Variants in KIAA0513 observed in about 807,000 individuals in gnomAD.
The protein encoded by KIAA0513 is KIAA0513.
In KIAA0513, 39 loss-of-function variants were observed where a neutral mutation model predicts 56.5. The ratio of observed to expected loss-of-function variants is 0.69; its 90% CI spans 0.53 to 0.90. KIAA0513 has a LOEUF of 0.90. Among genes scored for constraint, KIAA0513 ranks in the 40% least tolerant of loss-of-function variants. KIAA0513 has a pLI of 0.00. For synonymous variants in KIAA0513, 268 were observed against 215.6 expected (o/e 1.24, Z -2.13); for missense variants, 591 against 535.2 (o/e 1.10, Z -1.03).
intron 1 of KIAA0513, among the ~76,000 whole-genome samples, chr16:85,060,073 G>A (rs2073382258): frequency 6.6e-6 from 1 of 152,186 alleles, no homozygotes; most frequent in South Asian, 2.1e-4. Context: ...CGATCCTCAT[G>A]CCTCAGACTC....
intron 1 of KIAA0513, among the ~76,000 whole-genome samples, chr16:85,047,650 G>A (rs1014643679): frequency 3.3e-5 from 5 of 152,264 alleles, no homozygotes; most frequent in African/African-American, 1.2e-4. Flanking sequence ...AATTTCCTGG[G>A]GACCAGGGCA....
At chr16:85,073,793 G>C (rs981447761) in intron 4 of KIAA0513, among the ~76,000 whole-genome samples, 3 of 152,170 alleles carry the variant, frequency 2.0e-5, no homozygotes, top group Non-Finnish European at 4.4e-5. Context: ...CCTCCAAGCA[G>C]TCCCTGCTTT....
At chr16:85,069,045 T>C (rs1338653440) in intron 2 of KIAA0513, among the ~76,000 whole-genome samples, 3 of 152,138 alleles carry the variant, frequency 2.0e-5, no homozygotes, top group East Asian at 3.9e-4. Context: ...GATTCTTTTT[T>C]AGAGAGACAG....
chr16:85,069,985 T>C (rs2073547782), intron 2 of KIAA0513, among the ~76,000 whole-genome samples: 1 of 147,474 alleles, frequency 6.8e-6, no homozygotes, highest in Non-Finnish European at 1.5e-5. Context: ...GGAAACATAG[T>C]GAAACCCCCT....
intron 10 of KIAA0513, among the ~76,000 whole-genome samples, chr16:85,086,418 T>G (rs1157400161): frequency 1.3e-5 from 2 of 152,254 alleles, no homozygotes; most frequent in Non-Finnish European, 2.9e-5. Flanking sequence ...TCTCTTTATC[T>G]TATGAAGAGT....
intron 9 of KIAA0513, among the ~76,000 whole-genome samples, chr16:85,082,343 C>G (rs2073755588): frequency 6.6e-6 from 1 of 152,112 alleles, no homozygotes; most frequent in Non-Finnish European, 1.5e-5. Flanking sequence ...GCCAGGAGAC[C>G]AGAACAGGGA....
At chr16:85,040,808 T>C (rs6564098) in intron 1 of KIAA0513, among the ~76,000 whole-genome samples, 70,630 of 152,064 alleles carry the variant, frequency 0.46, 17,831 homozygotes, top group African/African-American at 0.67. Context: ...GAGAATTTTG[T>C]AGAGAAGCCA....
chr16:85,086,420 A>C (rs1597650895), intron 10 of KIAA0513, among the ~76,000 whole-genome samples: 1 of 152,198 alleles, frequency 6.6e-6, no homozygotes, highest in African/African-American at 2.4e-5. Context: ...TCTTTATCTT[A>C]TGAAGAGTGA....
intron 1 of KIAA0513, among the ~76,000 whole-genome samples, chr16:85,050,442 C>A (rs902808919): frequency 1.3e-5 from 2 of 151,862 alleles, no homozygotes; most frequent in Non-Finnish European, 2.9e-5. Context: ...CTCCACCTCC[C>A]GGGTTCAAGC....
At chr16:85,047,314 G>A (rs143324420) in intron 1 of KIAA0513, among the ~76,000 whole-genome samples, 2 of 152,312 alleles carry the variant, frequency 1.3e-5, no homozygotes, top group Admixed American at 1.3e-4. Context: ...CCAGGAGCTC[G>A]TAACAACTTG....
In KIAA0513 at chr16:85,079,011, C is replaced by G. The variant is rs567937219; in HGVS notation, c.902+8C>G. 1.9e-6 allele frequency: 3 copies of G among 1,613,994 alleles called. No individual in the cohort carries two copies. Among genetic ancestry groups the G allele is most frequent in the African/African-American group, 2.7e-5 (2 of 74,896 alleles). ...GAAGCAACAGCCCATCTGGTAAGGC[C>G]GAGCCCGCGGCTTCCCGTCACCCTC... is the stretch of plus-strand genomic sequence containing the variant. On this transcript the variant is annotated splice_region_variant and intron_variant, in intron 8 of 12. Coordinates refer to ENST00000683363, the MANE Select transcript of KIAA0513 (RefSeq NM_001388359.1).
At chr16:85,056,254 C>T (rs1166017852) in intron 1 of KIAA0513, among the ~76,000 whole-genome samples, 1 of 152,240 alleles carries the variant, frequency 6.6e-6, no homozygotes, top group Non-Finnish European at 1.5e-5. Flanking sequence ...CTAAGCCTCC[C>T]ACCCTTTGCT....
intron 1 of KIAA0513, among the ~76,000 whole-genome samples, chr16:85,030,385 C>G (rs945763868): frequency 1.3e-5 from 2 of 152,162 alleles, no homozygotes; most frequent in Non-Finnish European, 2.9e-5. Flanking sequence ...GACCCAGTAA[C>G]TTTGTTTATT....
chr16:85,058,700 A>G (rs2143964531), intron 1 of KIAA0513, among the ~76,000 whole-genome samples: 1 of 152,176 alleles, frequency 6.6e-6, no homozygotes. Flanking sequence ...AACAACAAAA[A>G]AAGAAAGAAA....
chr16:85,068,129 G>A (rs931173315), intron 2 of KIAA0513, among the ~76,000 whole-genome samples: 1 of 150,534 alleles, frequency 6.6e-6, no homozygotes, highest in African/African-American at 2.4e-5. Flanking sequence ...TTATTTTCCA[G>A]TGCATGTTGT....
chr16:85,084,093 G>C, intron 10 of KIAA0513, among the ~76,000 whole-genome samples: 1 of 127,458 alleles, frequency 7.8e-6, no homozygotes, highest in Non-Finnish European at 1.6e-5. Flanking sequence ...ATGGAGTCTC[G>C]CTCTGTTGCC....
Position 85,032,452 on chromosome 16 carries a change from C to G in KIAA0513, c.-173+4594C>G, listed in dbSNP as rs531482175. Reference sequence around the variant, plus strand: ...AGTTAAAGCCATTCTTCTGCCTCAGCCTCCCATGTAGCTGGGATTACAGGT... The same window carrying G: ...AGTTAAAGCCATTCTTCTGCCTCAGGCTCCCATGTAGCTGGGATTACAGGT... On this transcript the variant is annotated intron_variant, in intron 1 of 12. Transcript: ENST00000683363. Among the ~76,000 whole-genome samples the G allele has an allele frequency of 2.2e-4, 34 of 152,326 alleles. No individual in the cohort carries two copies. The South Asian group carries it at 6.8e-3, about 31-fold the overall frequency.
chr16:85,051,603 G>T (rs375270967), intron 1 of KIAA0513, among the ~76,000 whole-genome samples: 1 of 152,060 alleles, frequency 6.6e-6, no homozygotes, highest in African/African-American at 2.4e-5. Flanking sequence ...GAGCCACATA[G>T]AATCATACTC....
In KIAA0513 at chr16:85,090,630, T is replaced by C. The variant is rs1234708194; in HGVS notation, c.*2305T>C. The stretch of plus-strand genomic sequence containing the variant: ...GGTTTTCTTTGTTTGTTTGTTTGTT[T>C]CCCCCTTTACTACCTGTTCTTGTAG... On this transcript the variant is annotated 3_prime_UTR_variant, in exon 13 of 13. Coordinates refer to ENST00000683363, the MANE Select transcript of KIAA0513 (RefSeq NM_001388359.1). 1.3e-5 allele frequency: 2 copies of C among 152,352 alleles called. No homozygotes were observed. The highest frequency in any genetic ancestry group is 4.8e-5 in the African/African-American group (2 of 41,450). 9.4% of individuals were successfully genotyped at this position (152,352 alleles called of 1,614,324 possible). A position where few individuals can be genotyped will look rare whatever the true frequency, so the allele number is the denominator to read the frequency against.
Sources: allele counts gnomAD v4.1 joint callset (sites outside exome capture counted in the v4.1 genomes callset), GRCh38; gene constraint gnomAD v4.1.1; transcripts MANE v1.5; gene names NCBI Gene and HGNC (gene_info 2026-07-23, HGNC 2026-07-21).